Variants in EPB41 observed in about 807,000 individuals in gnomAD.
The protein encoded by EPB41 is erythrocyte membrane protein band 4.1.
In EPB41, 65 loss-of-function variants were observed where a neutral mutation model predicts 108.0. That is an observed-to-expected ratio of 0.60 (90% CI 0.49 to 0.74). EPB41 has a LOEUF of 0.74. Among genes scored for constraint, EPB41 ranks in the 30% least tolerant of loss-of-function variants. EPB41 has a pLI of 0.00. For missense variants in EPB41, 875 were observed against 1,037.0 expected (o/e 0.84, Z 2.15); for synonymous variants, 336 against 358.9 (o/e 0.94, Z 0.72).
At chr1:29,038,497 A>G (rs1209059509) in intron 10 of EPB41, among the ~76,000 whole-genome samples, 1 of 152,238 alleles carries the variant, frequency 6.6e-6, no homozygotes, top group Non-Finnish European at 1.5e-5. Context: ...CAATTACCTC[A>G]AAGGGAAAAA....
At position 29,043,902 on chromosome 1, in the gene EPB41, T is replaced by C. The variant is rs1322779088; in HGVS notation, c.1636+4476T>C. The stretch of plus-strand genomic sequence containing the variant: ...GGATACATTTGGAGATAGGGCTGAC[T>C]GAATTGCTGACAAATTAAGTATTGG... On this transcript the variant is annotated intron_variant, in intron 11 of 20. Coordinates refer to ENST00000343067, the MANE Select transcript of EPB41 (RefSeq NM_001376013.1). Among the ~76,000 whole-genome samples the C allele has an allele frequency of 2.0e-5, 3 of 152,202 alleles. No homozygotes were observed. In the South Asian group the frequency reaches 6.2e-4, roughly 32 times the overall value.
chr1:28,932,324 T>C lies in EPB41; in HGVS notation c.-8+17556T>C, dbSNP rs182013388. On this transcript the variant is annotated intron_variant, in intron 1 of 20. Coordinates refer to ENST00000343067, the MANE Select transcript of EPB41 (RefSeq NM_001376013.1). Reference sequence around the variant, plus strand: ...TTTTAGTAGAGATGGAGTTTCGCCATGTTGGCCAGGCTGATCTCGAACTCT... The same window carrying C: ...TTTTAGTAGAGATGGAGTTTCGCCACGTTGGCCAGGCTGATCTCGAACTCT... 2.0e-3 allele frequency among the ~76,000 whole-genome samples: 303 copies of C among 152,240 alleles called. 1 individual carries two copies. Among genetic ancestry groups the C allele is most frequent in the Non-Finnish European group, 3.6e-3 (243 of 68,014 alleles).
intron 1 of EPB41, among the ~76,000 whole-genome samples, chr1:28,971,677 A>G (rs1451351284): frequency 6.6e-6 from 1 of 152,194 alleles, no homozygotes; most frequent in Non-Finnish European, 1.5e-5. Context: ...AGATACAAAA[A>G]ATAAAAAAGC....
At chr1:28,889,370 G>A (rs992564232) in intron 1 of EPB41, among the ~76,000 whole-genome samples, 14 of 152,206 alleles carry the variant, frequency 9.2e-5, no homozygotes, top group African/African-American at 2.2e-4. Context: ...TGGGTGTATG[G>A]GTGATACTCA....
Position 28,887,794 on chromosome 1 carries a change from C to A in EPB41, c.-8+584C>A. 2.0e-6 allele frequency: 1 copy of A among 497,536 alleles called. No homozygotes were observed. The highest frequency in any genetic ancestry group is 2.6e-6 in the Non-Finnish European group (1 of 383,660). The allele number at this position is 497,536 out of a possible 1,614,324, so 30.8% of individuals were successfully genotyped here. On this transcript the variant is annotated intron_variant, in intron 1 of 16. Transcript: ENST00000347529. The surrounding 1 kb of genome is among the most constrained non-coding windows in gnomAD (Gnocchi z 4.9). ...TGGCCCCCCCGGCCGTCGCGCCAGCCCCACACCCTCCCTGCCAGGCTTGGT... is the reference window on the plus strand; with the variant it reads ...TGGCCCCCCCGGCCGTCGCGCCAGCACCACACCCTCCCTGCCAGGCTTGGT...
chr1:28,903,274 T>A (rs1394406181), intron 1 of EPB41, among the ~76,000 whole-genome samples: 1 of 151,994 alleles, frequency 6.6e-6, no homozygotes, highest in East Asian at 1.9e-4. Flanking sequence ...AGCTGGGTGA[T>A]CTTGGACAAG....
chr1:28,992,365 G>A (rs944319490), intron 2 of EPB41, among the ~76,000 whole-genome samples: 15 of 151,946 alleles, frequency 9.9e-5, no homozygotes, highest in Non-Finnish European at 1.9e-4. Context: ...AAAATATGTC[G>A]GTAGTTTTGT....
intron 5 of EPB41, among the ~76,000 whole-genome samples, chr1:29,015,296 G>A (rs937967509): frequency 2.6e-5 from 4 of 152,168 alleles, no homozygotes; most frequent in African/African-American, 9.7e-5. Flanking sequence ...GGTGGCTCAT[G>A]CCTGTAATCC....
At chr1:29,041,416 G>T (rs886850027) in intron 11 of EPB41, 1 of 152,234 alleles carries the variant, frequency 6.6e-6, no homozygotes, top group Admixed American at 6.5e-5. Context: ...GGAGGCAGAG[G>T]TTGCAGTGAG....
At chr1:28,921,944 A>ATT in intron 1 of EPB41, among the ~76,000 whole-genome samples, 2 of 119,828 alleles carry the variant, frequency 1.7e-5, no homozygotes, top group African/African-American at 6.7e-5. Flanking sequence ...AATTTTATAT[A>ATT]TATATATATA....
intron 1 of EPB41, among the ~76,000 whole-genome samples, chr1:28,894,371 T>C (rs2090449697): frequency 6.6e-6 from 1 of 152,192 alleles, no homozygotes; most frequent in Admixed American, 6.5e-5. Flanking sequence ...AAATGGCTAA[T>C]GGATATAAAG....
intron 11 of EPB41, 83 bp downstream of exon 11, chr1:29,039,509 G>A (rs984633984): frequency 2.6e-6 from 4 of 1,552,528 alleles, no homozygotes; most frequent in Admixed American, 1.8e-5. Flanking sequence ...TAAGAGAACC[G>A]AATTAAAGAA....
At chr1:28,970,997 G>A (rs2095479565) in intron 1 of EPB41, among the ~76,000 whole-genome samples, 1 of 151,726 alleles carries the variant, frequency 6.6e-6, no homozygotes, top group South Asian at 2.1e-4. Flanking sequence ...ACAGGCGCGT[G>A]CCACTACGCC....
intron 11 of EPB41, among the ~76,000 whole-genome samples, chr1:29,051,603 T>C (rs919731573): frequency 1.5e-4 from 23 of 152,070 alleles, no homozygotes; most frequent in African/African-American, 5.6e-4. Flanking sequence ...TTGATTAAAA[T>C]ATAAGAGTCT....
intron 16 of EPB41, among the ~76,000 whole-genome samples, chr1:29,088,957 T>C (rs546500282): frequency 2.0e-5 from 3 of 152,218 alleles, no homozygotes; most frequent in African/African-American, 4.8e-5. Context: ...AAAATAAATA[T>C]ATACATAAGT....
chr1:28,974,764 C>G (rs2095564461), intron 1 of EPB41, among the ~76,000 whole-genome samples: 1 of 151,362 alleles, frequency 6.6e-6, no homozygotes, highest in African/African-American at 2.4e-5. Context: ...AGATATTAAT[C>G]TCTCTTCTCT....
At chr1:28,985,060 T>G (rs1374545220) in intron 1 of EPB41, among the ~76,000 whole-genome samples, 1 of 151,938 alleles carries the variant, frequency 6.6e-6, no homozygotes, top group Admixed American at 6.6e-5. Context: ...CGCCTCCCAG[T>G]TTCAAGTGAT....
intron 1 of EPB41, among the ~76,000 whole-genome samples, chr1:28,982,120 C>T (rs535318221): frequency 2.5e-4 from 38 of 152,086 alleles, no homozygotes; most frequent in African/African-American, 7.2e-4. Flanking sequence ...GTTCAATTCC[C>T]ACCTATGAGT....
chr1:28,910,669 C>T (rs1557639376), upstream of EPB41, among the ~76,000 whole-genome samples: 3 of 152,194 alleles, frequency 2.0e-5, no homozygotes, highest in African/African-American at 2.4e-5. Flanking sequence ...TAATTTCACC[C>T]TCTTATGTGC....
Sources: allele counts gnomAD v4.1 joint callset (sites outside exome capture counted in the v4.1 genomes callset), GRCh38; gene constraint gnomAD v4.1.1; non-coding constraint Gnocchi (gnomAD v3.1); transcripts MANE v1.5; gene names NCBI Gene and HGNC (gene_info 2026-07-23, HGNC 2026-07-21).